Variants in CASK observed in about 807,000 individuals in gnomAD.
The protein encoded by CASK is peripheral plasma membrane protein CASK.
CASK carries 4 observed loss-of-function variants against 82.9 expected under a neutral mutation model. The ratio of observed to expected loss-of-function variants is 0.05; its 90% CI spans 0.02 to 0.11. The LOEUF is 0.11. CASK is among the 10% of genes least tolerant of loss of function. The pLI is 1.00. For synonymous variants in CASK, 259 were observed against 253.5 expected, an observed-to-expected ratio of 1.02 and a Z score of -0.20; for missense variants, 358 against 720.9, an observed-to-expected ratio of 0.50 and a Z score of 5.76.
intron 24 of CASK, among the ~76,000 whole-genome samples, chrX:41,533,408 G>T (rs1247048182): frequency 8.9e-6 from 1 of 112,127 alleles, no homozygotes; most frequent in Non-Finnish European, 1.9e-5. Context: ...AGTGCCAAAT[G>T]AGACACTATT....
At chrX:41,548,284 A>G (rs1158081660) in intron 21 of CASK, among the ~76,000 whole-genome samples, 1 of 111,271 alleles carries the variant, frequency 9.0e-6, no homozygotes, top group African/African-American at 3.3e-5. Context: ...GGCTCATAAT[A>G]TATTATCTTT....
At chrX:41,915,546 T>C (rs1384087446) in intron 1 of CASK, among the ~76,000 whole-genome samples, 1 of 112,325 alleles carries the variant, frequency 8.9e-6, no homozygotes, top group Non-Finnish European at 1.9e-5. Flanking sequence ...ACAGACTCAC[T>C]ACTTATCTTT....
chrX:41,689,146 C>G (rs2067496083), intron 5 of CASK: 1 of 111,970 alleles, frequency 8.9e-6, no homozygotes, highest in Admixed American at 9.5e-5. Context: ...ATTTGATTAT[C>G]TGAACATTCA....
Position 41,517,579 on chromosome X carries a change from G to T in CASK, c.*2841C>A. The T allele has an allele frequency of 2.7e-6, 1 of 364,619 alleles. No homozygotes were observed. The allele number at this position is 364,619 out of a possible 1,213,427, so 30.0% of individuals were successfully genotyped here. A position where few individuals can be genotyped will look rare whatever the true frequency, so the allele number is the denominator to read the frequency against. On this transcript the variant is annotated 3_prime_UTR_variant, in exon 27 of 27. Coordinates refer to ENST00000378163, the MANE Select transcript of CASK (RefSeq NM_001367721.1). ...TTGCTGTGGGGAATGGAGTTGGGTGGGGGAGAGAACCTTCAAAATGTGGCT... is the reference window on the plus strand; with the variant it reads ...TTGCTGTGGGGAATGGAGTTGGGTGTGGGAGAGAACCTTCAAAATGTGGCT...
intron 12 of CASK, among the ~76,000 whole-genome samples, chrX:41,607,169 A>AT (rs909441812): frequency 8.9e-6 from 1 of 112,770 alleles, no homozygotes; most frequent in African/African-American, 3.2e-5. Flanking sequence ...CTCTTCTGAA[A>AT]TTGTGACAAT....
At chrX:41,806,082 T>G (rs2070118317) in intron 2 of CASK, among the ~76,000 whole-genome samples, 1 of 111,109 alleles carries the variant, frequency 9.0e-6, no homozygotes, top group Non-Finnish European at 1.9e-5. Flanking sequence ...CAGATGTGAG[T>G]GAGGTACAGA....
At chrX:41,808,586 G>C (rs1482657421) in intron 2 of CASK, among the ~76,000 whole-genome samples, 3 of 111,817 alleles carry the variant, frequency 2.7e-5, no homozygotes, top group Admixed American at 9.4e-5. Flanking sequence ...GAGCTTCTAG[G>C]GGGGCAGTTC....
chrX:41,815,836 A>G (rs1240922978), intron 2 of CASK, among the ~76,000 whole-genome samples: 1 of 112,414 alleles, frequency 8.9e-6, no homozygotes, highest in Non-Finnish European at 1.9e-5. Flanking sequence ...GCAGATTATC[A>G]ACAAATTGCA....
In CASK at chrX:41,542,685, C is replaced by T; in HGVS notation, c.2155+6G>A. On this transcript the variant is annotated splice_donor_region_variant and intron_variant, in intron 22 of 26. Coordinates refer to ENST00000378163, the MANE Select transcript of CASK (RefSeq NM_001367721.1). ...CAGCCTCAGTAACAGTTGTGCTTTT[C>T]CCTACCTGCATTGTGCTTTGCCAAA... 8.8e-7 allele frequency: 1 copy of T among 1,130,198 alleles called. No homozygotes were observed. The highest frequency in any genetic ancestry group is 1.2e-6 in the Non-Finnish European group (1 of 821,256). The allele number at this position is 1,130,198 out of a possible 1,213,427, so 93.1% of individuals were successfully genotyped here.
intron 15 of CASK, among the ~76,000 whole-genome samples, chrX:41,576,209 G>C (rs971570915): frequency 9.1e-6 from 1 of 110,092 alleles, no homozygotes; most frequent in Admixed American, 9.7e-5. Context: ...TCCTGACCTC[G>C]TGATCCACCC....
intron 1 of CASK, among the ~76,000 whole-genome samples, chrX:41,906,490 C>A (rs2072472422): frequency 8.9e-6 from 1 of 112,413 alleles, no homozygotes; most frequent in African/African-American, 3.2e-5. Flanking sequence ...GGTTCAAAAT[C>A]TACACATTTG....
chrX:41,827,467 G>A (rs1485065104), intron 2 of CASK, among the ~76,000 whole-genome samples: 3 of 111,896 alleles, frequency 2.7e-5, no homozygotes, highest in African/African-American at 9.8e-5. Context: ...ATGGTAGTGG[G>A]GGCAAGTGAT....
At chrX:41,787,053 A>T (rs1443150146) in intron 3 of CASK, 125 bp downstream of exon 3, 17 of 521,821 alleles carry the variant, frequency 3.3e-5, no homozygotes, top group Admixed American at 2.7e-4. Context: ...TTTTCTTGTG[A>T]CTTTAGGTCT....
At chrX:41,573,190 C>CCT (rs2065438940) in intron 15 of CASK, among the ~76,000 whole-genome samples, 1 of 104,131 alleles carries the variant, frequency 9.6e-6, no homozygotes, top group African/African-American at 3.5e-5. Context: ...AATTCTCCTA[C>CCT]CTCTGTCTCC....
intron 2 of CASK, among the ~76,000 whole-genome samples, chrX:41,810,356 G>A (rs1257104244): frequency 8.9e-6 from 1 of 112,428 alleles, no homozygotes; most frequent in Non-Finnish European, 1.9e-5. Flanking sequence ...TACCCACAAA[G>A]GGAAGCCCAT....
At chrX:41,856,077 T>C (rs1179902691) in intron 1 of CASK, among the ~76,000 whole-genome samples, 1 of 112,324 alleles carries the variant, frequency 8.9e-6, no homozygotes, top group African/African-American at 3.2e-5. Flanking sequence ...TTTTCATTTA[T>C]GTGAAGAAAA....
rs1240128831 is a variant in CASK at position 41,609,892 on chromosome X, A to G, written c.1155+12T>C. Reference sequence around the variant, plus strand: ...TCACCAAAAAAGAAGAATAATAAAAAGACAGACTTACATCTAGTAGTGTGT... The same window carrying G: ...TCACCAAAAAAGAAGAATAATAAAAGGACAGACTTACATCTAGTAGTGTGT... On this transcript the variant is annotated intron_variant, in intron 12 of 26. Coordinates refer to ENST00000378163, the MANE Select transcript of CASK (RefSeq NM_001367721.1). 2 of 1,207,387 alleles carry G rather than the reference A, an allele frequency of 1.7e-6. No individual in the cohort carries two copies. The highest frequency in any genetic ancestry group is 1.7e-5 in the African/African-American group (1 of 57,173).
Position 41,835,242 on chromosome X carries a change from C to CA in CASK, c.172+17872dup, listed in dbSNP as rs773986741. Among the ~76,000 whole-genome samples the CA allele has an allele frequency of 3.0e-3, 337 of 111,991 alleles. 2 individuals are homozygous for CA. Among genetic ancestry groups the CA allele is most frequent in the Admixed American group, 5.2e-3 (55 of 10,620 alleles). On this transcript the variant is annotated intron_variant, in intron 2 of 26. Transcript: ENST00000378163. ...TAAAAATAAATATTTTTAGTAAAGA[C>CA]AGGGTTTCACCATGTTGGCCAGGCT...
At chrX:41,652,228 AG>A (rs1162109408) in intron 8 of CASK, among the ~76,000 whole-genome samples, 1 of 110,980 alleles carries the variant, frequency 9.0e-6, no homozygotes, top group Non-Finnish European at 1.9e-5. Context: ...GAGAGTAGGA[AG>A]GGGTGACATG....
Sources: gnomAD v4.1 joint callset for allele counts (sites outside exome capture counted in the v4.1 genomes callset) on GRCh38, gnomAD v4.1.1 for gene constraint, MANE v1.5 for transcripts, NCBI Gene and HGNC (gene_info 2026-07-23, HGNC 2026-07-21) for gene names.